Variants in ENTHD1 observed in about 807,000 individuals in gnomAD.
ENTHD1 encodes the protein ENTH domain-containing protein 1.
In ENTHD1, 23 loss-of-function variants were observed where a neutral mutation model predicts 39.1. The ratio of observed to expected loss-of-function variants is 0.59; its 90% confidence interval spans 0.42 to 0.83. The LOEUF is 0.83. Ranked by LOEUF, ENTHD1 falls within the 40% of genes least tolerant of loss-of-function variation. The pLI is 0.00. For synonymous variants in ENTHD1, 230 were observed against 258.2 expected, an observed-to-expected ratio of 0.89 and a Z score of 1.05; for missense variants, 624 against 705.4, an observed-to-expected ratio of 0.88 and a Z score of 1.31.
chr22:39,848,250 A>ACTTTTTTTTCT (rs2066006759), intron 3 of ENTHD1, among the ~76,000 whole-genome samples: 1 of 151,410 alleles, frequency 6.6e-6, no homozygotes, highest in Non-Finnish European at 1.5e-5. Flanking sequence ...TTTTTTTTTA[A>ACTTTTTTTTCT]TTAATTAATT....
chr22:39,841,772 T>G (rs2065945943), intron 3 of ENTHD1, among the ~76,000 whole-genome samples: 1 of 152,100 alleles, frequency 6.6e-6, no homozygotes, highest in South Asian at 2.1e-4. Flanking sequence ...AATTTGATCC[T>G]GTCATGATGC....
At chr22:39,888,629 T>C (rs1346063172) in intron 1 of ENTHD1, among the ~76,000 whole-genome samples, 1 of 152,162 alleles carries the variant, frequency 6.6e-6, no homozygotes, top group Admixed American at 6.5e-5. Context: ...GGTTTCACCA[T>C]GTTGGCGAGG....
At chr22:39,803,835 A>C (rs1282776923) in intron 5 of ENTHD1, among the ~76,000 whole-genome samples, 1 of 152,202 alleles carries the variant, frequency 6.6e-6, no homozygotes, top group Non-Finnish European at 1.5e-5. Context: ...AACAAATTAT[A>C]TGGCTTTATT....
At chr22:39,791,984 G>A (rs923311621) in intron 5 of ENTHD1, among the ~76,000 whole-genome samples, 47 of 152,052 alleles carry the variant, frequency 3.1e-4, no homozygotes, top group African/African-American at 1.0e-3. Context: ...GAGAATATGC[G>A]GTATTTGGTT....
chr22:39,803,869 A>G (rs776871371), intron 5 of ENTHD1, among the ~76,000 whole-genome samples: 39 of 152,218 alleles, frequency 2.6e-4, no homozygotes, highest in Non-Finnish European at 4.4e-4. Context: ...TCAACAAAGA[A>G]TCAATGATCT....
chr22:39,850,128 T>TA (rs2066023273), intron 3 of ENTHD1, among the ~76,000 whole-genome samples: 1 of 152,118 alleles, frequency 6.6e-6, no homozygotes, highest in African/African-American at 2.4e-5. Context: ...AAATCCATAT[T>TA]AAAAAAAGTT....
chr22:39,814,728 C>T (rs2065720391), intron 5 of ENTHD1, among the ~76,000 whole-genome samples: 2 of 152,118 alleles, frequency 1.3e-5, no homozygotes, highest in Non-Finnish European at 2.9e-5. Flanking sequence ...AATTGGACTT[C>T]TACCTCAATC....
rs1433236435 is a variant in ENTHD1, at chr22:39,851,474, G to A, written c.592+10291C>T. 3.3e-5 allele frequency among the ~76,000 whole-genome samples: 5 copies of A among 152,198 alleles called. No homozygotes were observed. The East Asian group carries it at 9.6e-4, about 29-fold the overall frequency. On this transcript the variant is annotated intron_variant, in intron 3 of 6. Transcript: ENST00000325157. ...ACCTTTCCAATATCTACACTCTTTGGGGGATTAAGTATGTTCTTTGCTGCT... is the reference window on the plus strand; with the variant it reads ...ACCTTTCCAATATCTACACTCTTTGAGGGATTAAGTATGTTCTTTGCTGCT...
At chr22:39,751,759 T>C (rs556371642) in intron 6 of ENTHD1, among the ~76,000 whole-genome samples, 17 of 152,332 alleles carry the variant, frequency 1.1e-4, no homozygotes, top group African/African-American at 3.8e-4. Flanking sequence ...AACTTCTTGC[T>C]GAGACAATAA....
At chr22:39,818,809 T>C (rs2065754442) in intron 5 of ENTHD1, among the ~76,000 whole-genome samples, 1 of 152,178 alleles carries the variant, frequency 6.6e-6, no homozygotes, top group African/African-American at 2.4e-5. Context: ...CCGGCTACAT[T>C]TTTTACTTTT....
At chr22:39,765,696 T>C in intron 5 of ENTHD1, 87 bp from the exon 6 acceptor site, 1 of 1,261,918 alleles carries the variant, frequency 7.9e-7, no homozygotes, top group Non-Finnish European at 1.1e-6. Context: ...ATAAATAGGA[T>C]TTTTTAATGT....
chr22:39,785,951 C>T (rs2065453683), intron 5 of ENTHD1, among the ~76,000 whole-genome samples: 1 of 152,146 alleles, frequency 6.6e-6, no homozygotes, highest in African/African-American at 2.4e-5. Context: ...CTTGACCTTT[C>T]CCTCTTCACT....
intron 5 of ENTHD1, among the ~76,000 whole-genome samples, chr22:39,811,442 G>GA (rs2065685330): frequency 6.6e-6 from 1 of 152,204 alleles, no homozygotes; most frequent in Non-Finnish European, 1.5e-5. Context: ...GCAGCAGTAG[G>GA]AAAATCACAG....
At chr22:39,763,297 T>C (rs1037266644) in intron 6 of ENTHD1, among the ~76,000 whole-genome samples, 1 of 152,206 alleles carries the variant, frequency 6.6e-6, no homozygotes, top group Admixed American at 6.5e-5. Context: ...TAGAAGCTGC[T>C]TCCCATTTAG....
At chr22:39,787,281 G>GCCTC (rs971835185) in intron 5 of ENTHD1, among the ~76,000 whole-genome samples, 51 of 152,114 alleles carry the variant, frequency 3.4e-4, no homozygotes, top group African/African-American at 1.2e-3. Context: ...CTCTTCTCCA[G>GCCTC]CCTCCCTATT....
At chr22:39,823,668 T>C (rs1296482399) in intron 4 of ENTHD1, among the ~76,000 whole-genome samples, 1 of 152,196 alleles carries the variant, frequency 6.6e-6, no homozygotes, top group African/African-American at 2.4e-5. Context: ...TTCATATCTC[T>C]GGTATAAATT....
intron 5 of ENTHD1, among the ~76,000 whole-genome samples, chr22:39,775,169 T>C (rs1399900615): frequency 6.6e-6 from 1 of 152,230 alleles, no homozygotes; most frequent in Non-Finnish European, 1.5e-5. Context: ...AAGGATGTCT[T>C]AGACACTTTT....
intron 5 of ENTHD1, among the ~76,000 whole-genome samples, chr22:39,800,865 C>T (rs1356046652): frequency 6.6e-6 from 1 of 152,184 alleles, no homozygotes; most frequent in East Asian, 1.9e-4. Context: ...GTCTAGTCCA[C>T]CACACTGCTG....
chr22:39,831,535 AAT>A (rs2065868863), intron 4 of ENTHD1, among the ~76,000 whole-genome samples: 1 of 152,156 alleles, frequency 6.6e-6, no homozygotes, highest in South Asian at 2.1e-4. Flanking sequence ...ATAATAAAGA[AAT>A]ATAGGGGCCA....
Sources: gnomAD v4.1 joint callset for allele counts (sites outside exome capture counted in the v4.1 genomes callset) on GRCh38, gnomAD v4.1.1 for gene constraint, MANE v1.5 for transcripts, NCBI Gene and HGNC (gene_info 2026-07-23, HGNC 2026-07-21) for gene names.